Variants in WDR46 observed in about 807,000 individuals in gnomAD.
The protein encoded by WDR46 is WD repeat-containing protein 46.
Under a neutral mutation model 74.7 loss-of-function variants are expected in WDR46, and 58 were observed. That is an observed-to-expected ratio of 0.78 (90% CI 0.63 to 0.97). The LOEUF is 0.97. WDR46 is among the 50% of genes least tolerant of loss of function. The pLI is 0.00. For synonymous variants in WDR46, 278 were observed against 297.3 expected (o/e 0.93, Z 0.67); for missense variants, 702 against 790.1 (o/e 0.89, Z 1.34).
chr6:33,280,495 A>T lies in WDR46; in HGVS notation c.1457T>A (p.Leu486Gln). 6.2e-7 allele frequency: 1 copy of T among 1,601,640 alleles called. No homozygotes were observed. The highest frequency in any genetic ancestry group is 8.5e-7 in the Non-Finnish European group (1 of 1,173,286). ...CCGGCTTCTGTATGGATTACTCTCCAGGCCATCGAAGTTGGGCTCACCGGC... is the reference window on the plus strand; with the variant it reads ...CCGGCTTCTGTATGGATTACTCTCCTGGCCATCGAAGTTGGGCTCACCGGC... ...PGAGEPNFDGLESNPYRSRKQ... is the reference protein window; with the variant it reads ...PGAGEPNFDGQESNPYRSRKQ... The change falls in exon 12 of 15, where the codon CTG becomes CAG. Residue 486 changes from leucine (L) to glutamine (Q), a missense_variant. Physicochemically the swap from Leu to Gln is moderately radical, Grantham distance 113 (BLOSUM62 -2). Coordinates refer to ENST00000374617, the MANE Select transcript of WDR46 (RefSeq NM_005452.6).
In WDR46 at chr6:33,287,639, C is replaced by T. The variant is rs1766784667; in HGVS notation, c.703G>A (p.Val235Ile). The T allele has an allele frequency of 3.7e-6, 6 of 1,613,876 alleles. No individual in the cohort carries two copies. Among genetic ancestry groups the T allele is most frequent in the Middle Eastern group, 1.6e-4 (1 of 6,084 alleles). Residue 235 changes from valine (V) to isoleucine (I), a missense_variant, in exon 7 of 15, where the codon GTC becomes ATC. By Grantham distance (29) the Val-to-Ile change is conservative (BLOSUM62 3). Coordinates refer to ENST00000374617, the MANE Select transcript of WDR46 (RefSeq NM_005452.6). The part of the protein sequence containing the change: ...VTKKLMCEIN[V>I]MEAVRDIRFL... ...CGGATGTCCCGCACCGCCTCCATGA[C>T]GTTGATCTCGCACATAAGCTTCTTT...
At position 33,287,390 on chromosome 6, in the gene WDR46, C is replaced by G; in HGVS notation, c.844G>C (p.Glu282Gln). 6.2e-7 allele frequency: 1 copy of G among 1,612,386 alleles called. No homozygotes were observed. The highest frequency in any genetic ancestry group is 8.5e-7 in the Non-Finnish European group (1 of 1,179,792). The change falls in exon 8 of 15, where the codon GAG (glutamate) becomes CAG (glutamine). Residue 282 changes from glutamate (E) to glutamine (Q), a missense_variant. By Grantham distance (29) the Glu-to-Gln change is conservative. Transcript: ENST00000374617. ...IRRCDRVTRLEFLPFHFLLAT... is the reference protein window; with the variant it reads ...IRRCDRVTRLQFLPFHFLLAT... ...AGGAGGAAGTGGAAGGGCAGGAACT[C>G]AAGCCGTGTTACTCGGTCACAGCGG... is the stretch of plus-strand genomic sequence containing the variant.
At position 33,287,604 on chromosome 6, in the gene WDR46, G is replaced by A. The variant is rs1181408640; in HGVS notation, c.728+10C>T. 1.9e-6 allele frequency: 3 copies of A among 1,613,852 alleles called. No individual in the cohort carries two copies. Among genetic ancestry groups the A allele is most frequent in the South Asian group, 2.2e-5 (2 of 91,048 alleles). ...CACCCCAACTGACCGCTGACAGTGA[G>A]GCCACTGACCGGATGTCCCGCACCG... On this transcript the variant is annotated intron_variant, in intron 7 of 14. Transcript: ENST00000374617.
rs146022741 is a variant in WDR46, at chr6:33,288,656, C to A, written c.318G>T (p.Val106=). The A allele has an allele frequency of 2.2e-4, 348 of 1,612,300 alleles. 3 individuals carry two copies. The East Asian group carries it at 3.9e-3, about 18-fold the overall frequency. Residue 106 remains valine, a synonymous_variant, in exon 3 of 15, where the codon GTG becomes GTT. Transcript: ENST00000374617. ...DPFPGPAPVP[V]EVVQKFCRID... is the part of the protein sequence containing the mutation. Reference sequence around the variant, plus strand: ...TGCGACAGAACTTCTGGACCACTTCCACAGGGACGGGGGCGGGGCCTGGGA... The same window carrying A: ...TGCGACAGAACTTCTGGACCACTTCAACAGGGACGGGGGCGGGGCCTGGGA...
Position 33,287,343 on chromosome 6 carries a change from A to C in WDR46, c.879+12T>G, listed in dbSNP as rs1256005843. ...GGCTTCCAACCAGTTCCTGAGCTCCATGGCCACTCACAGCTGTAGCCAGGA... is the reference window on the plus strand; with the variant it reads ...GGCTTCCAACCAGTTCCTGAGCTCCCTGGCCACTCACAGCTGTAGCCAGGA... On this transcript the variant is annotated intron_variant, in intron 8 of 14. Transcript: ENST00000374617. 3.7e-6 allele frequency: 6 copies of C among 1,612,848 alleles called. No individual in the cohort carries two copies. The African/African-American group carries it at 8.1e-5, about 22-fold the overall frequency.
chr6:33,288,399 G>C lies in WDR46; in HGVS notation c.432C>G (p.Ile144Met), dbSNP rs1766903080. ...VAEAEEEETS[I>M]KAARSELLLA... ...GCAGCAGCTCAGAACGAGCAGCTTT[G>C]ATACTTGTTTCCTCTTCCTCAGCTT... The change falls in exon 4 of 15, where the codon ATC becomes ATG. Residue 144 changes from isoleucine (I) to methionine (M), a missense_variant. Physicochemically the swap from Ile to Met is conservative, Grantham distance 10. Coordinates refer to ENST00000374617, the MANE Select transcript of WDR46 (RefSeq NM_005452.6). 6.2e-7 allele frequency: 1 copy of C among 1,614,076 alleles called. No individual in the cohort carries two copies. Among genetic ancestry groups the C allele is most frequent in the African/African-American group, 1.3e-5 (1 of 74,938 alleles).
Position 33,279,209 on chromosome 6 carries a change from G to A in WDR46, c.*67C>T. On this transcript the variant is annotated 3_prime_UTR_variant, in exon 15 of 15. Transcript: ENST00000374617. ...ACACTGCCCCCACCTCCTTGTTCCA[G>A]GGAACACTCATTTCCCTACAGGTGA... 6.3e-7 allele frequency: 1 copy of A among 1,594,530 alleles called. No homozygotes were observed. The highest frequency in any genetic ancestry group is 2.2e-5 in the East Asian group (1 of 44,564).
chr6:33,288,620 G>A lies in WDR46; in HGVS notation c.354C>T (p.Ser118=), dbSNP rs9277965. The A allele has an allele frequency of 0.16, 250,439 of 1,612,238 alleles. 20,998 individuals are homozygous for A. Among genetic ancestry groups the A allele is most frequent in the South Asian group, 0.23 (20,508 of 90,852 alleles). The change falls in exon 3 of 15, where the codon TCC becomes TCT. Residue 118 remains serine, a synonymous_variant. Transcript: ENST00000374617. ...VVQKFCRIDK[S]RKLPHSKAKT... is the part of the protein sequence containing the mutation. ...CTCTCCGGCTGGACCTCACCTTTCGGGATTTGTCAATGCGACAGAACTTCT... is the reference window on the plus strand; with the variant it reads ...CTCTCCGGCTGGACCTCACCTTTCGAGATTTGTCAATGCGACAGAACTTCT...
At chr6:33,287,905 A>G in intron 6 of WDR46, 60 bp downstream of exon 6, 1 of 1,596,246 alleles carries the variant, frequency 6.3e-7, no homozygotes, top group Non-Finnish European at 8.6e-7. Context: ...TACACTGGGA[A>G]TGGCTGAAGT....
rs1378418085 is a variant in WDR46 at position 33,288,789 on chromosome 6, A to G, written c.279+15T>C. The G allele has an allele frequency of 1.2e-6, 2 of 1,613,742 alleles. No homozygotes were observed. Among genetic ancestry groups the G allele is most frequent in the African/African-American group, 2.7e-5 (2 of 74,818 alleles). On this transcript the variant is annotated intron_variant, in intron 2 of 14. Transcript: ENST00000374617. ...GAGGCGGCCTGCCTCGCCACCCATC[A>G]GGTCCCACGCTCACCCCGGACAAGC...
At position 33,286,895 on chromosome 6, in the gene WDR46, C is replaced by A; in HGVS notation, c.1016-1G>T. 1 of 1,613,990 alleles carries A rather than the reference C, an allele frequency of 6.2e-7. No homozygotes were observed. Among genetic ancestry groups the A allele is most frequent in the South Asian group, 1.1e-5 (1 of 91,074 alleles). ...GCTGGACTCCATAAAGACACAGTAC[C>A]TGGAAGAGAAGAAGAACCAAAGTTG... On this transcript the variant is annotated splice_acceptor_variant, in intron 9 of 14. Coordinates refer to ENST00000374617, the MANE Select transcript of WDR46 (RefSeq NM_005452.6). LOFTEE classifies it high-confidence loss of function.
At chr6:33,283,046 T>C (rs1441151959) in intron 10 of WDR46, among the ~76,000 whole-genome samples, 2 of 151,860 alleles carry the variant, frequency 1.3e-5, no homozygotes, top group Non-Finnish European at 2.9e-5. Flanking sequence ...CCATCTGTAC[T>C]ACAAATACAA....
chr6:33,287,555 CA>C lies in WDR46; in HGVS notation c.729-51del, dbSNP rs747505433. ...ATTGGGAAATGAGGTCACAGGCTAT[CA>C]TTCAATCAGGAATGGACTATCTCAC... On this transcript the variant is annotated intron_variant, in intron 7 of 14. Coordinates refer to ENST00000374617, the MANE Select transcript of WDR46 (RefSeq NM_005452.6). 3 of 1,613,798 alleles carry C rather than the reference CA, an allele frequency of 1.9e-6. No homozygotes were observed. The East Asian group carries it at 6.7e-5, about 36-fold the overall frequency.
chr6:33,286,774 C>T (rs371320875), intron 10 of WDR46, 21 bp downstream of exon 10: 31 of 1,582,276 alleles, frequency 2.0e-5, no homozygotes, highest in Admixed American at 3.6e-5. Flanking sequence ...CTCCTAACAC[C>T]TCACCCCACC....
chr6:33,281,433 A>G (rs1472248700), intron 10 of WDR46, among the ~76,000 whole-genome samples: 1 of 152,182 alleles, frequency 6.6e-6, no homozygotes, highest in Non-Finnish European at 1.5e-5. Flanking sequence ...GTGGGATTTG[A>G]GCCATTCTAG....
intron 3 of WDR46, 31 bp from the exon 4 acceptor site, chr6:33,288,501 G>A (rs2150913405): frequency 1.2e-6 from 2 of 1,612,784 alleles, no homozygotes; most frequent in Admixed American, 1.7e-5. Flanking sequence ...AGGAGTGGCA[G>A]AAGAACCACA....
Position 33,280,422 on chromosome 6 carries a change from C to A in WDR46, c.1524+6G>T. Reference sequence around the variant, plus strand: ...GATCTCACCCTCTCCAGCAGGGGAGCCTCACCTTCTCTAGCAGGGCCTTCA... The same window carrying A: ...GATCTCACCCTCTCCAGCAGGGGAGACTCACCTTCTCTAGCAGGGCCTTCA... On this transcript the variant is annotated splice_donor_region_variant and intron_variant, in intron 12 of 14. Transcript: ENST00000374617. The A allele has an allele frequency of 6.4e-7, 1 of 1,566,160 alleles. No individual in the cohort carries two copies. Among genetic ancestry groups the A allele is most frequent in the Non-Finnish European group, 8.7e-7 (1 of 1,154,042 alleles).
rs1299623732 is a variant in WDR46 at position 33,288,208 on chromosome 6, G to A, written c.501C>T (p.Asp167=). The A allele has an allele frequency of 1.2e-6, 2 of 1,614,194 alleles. No individual in the cohort carries two copies. The highest frequency in any genetic ancestry group is 4.5e-5 in the East Asian group (2 of 44,888). The part of the protein sequence containing the change: ...PGFLEGEDGE[D]TAKICQADIV... Reference sequence around the variant, plus strand: ...TGTCAGCCTGGCATATCTTTGCTGTGTCTTCCCCATCCTCCCCTTCCAGAA... The same window carrying A: ...TGTCAGCCTGGCATATCTTTGCTGTATCTTCCCCATCCTCCCCTTCCAGAA... The change falls in exon 5 of 15, where the codon GAC becomes GAT. Residue 167 remains aspartate, a synonymous_variant. Coordinates refer to ENST00000374617, the MANE Select transcript of WDR46 (RefSeq NM_005452.6).
Position 33,287,398 on chromosome 6 carries a change from G to A in WDR46, c.836C>T (p.Thr279Ile). ...GTGGAAGGGCAGGAACTCAAGCCGT[G>A]TTACTCGGTCACAGCGGCGGATACA... ...LHCIRRCDRV[T>I]RLEFLPFHFL... Residue 279 changes from threonine to isoleucine, a missense_variant, in exon 8 of 15, where the codon ACA (threonine) becomes ATA (isoleucine). Transcript: ENST00000374617. 1 of 1,612,202 alleles carries A rather than the reference G, an allele frequency of 6.2e-7. No individual in the cohort carries two copies. Among genetic ancestry groups the A allele is most frequent in the Non-Finnish European group, 8.5e-7 (1 of 1,179,770 alleles).
Sources: allele counts gnomAD v4.1 joint callset (sites outside exome capture counted in the v4.1 genomes callset), GRCh38; gene constraint gnomAD v4.1.1; transcripts MANE v1.5; gene names NCBI Gene and HGNC (gene_info 2026-07-23, HGNC 2026-07-21).